DAB1: variants seen among roughly 807,000 people sequenced by gnomAD.
DAB1 encodes disabled homolog 1.
Under a neutral mutation model 64.6 loss-of-function variants are expected in DAB1, and 15 were observed. The ratio of observed to expected loss-of-function variants is 0.23; its 90% CI spans 0.16 to 0.36. DAB1 has a LOEUF of 0.36. Among genes scored for constraint, DAB1 ranks in the 10% least tolerant of loss-of-function variants. DAB1 has a pLI of 1.00. For missense variants in DAB1, 596 were observed against 706.7 expected (o/e 0.84, Z 1.78); for synonymous variants, 235 against 251.9 (o/e 0.93, Z 0.64).
intron 4 of DAB1, among the ~76,000 whole-genome samples, chr1:58,188,656 T>C (rs548623333): frequency 1.2e-4 from 18 of 152,354 alleles, no homozygotes; most frequent in African/African-American, 4.3e-4. Context: ...GTGGAAATGC[T>C]ATGGTTCAAA....
rs1396139103 is a variant in DAB1, at chr1:56,995,990, C to T, written c.*2154G>A. ...CTTTTCTGGTTCTTCGGACCTTCCA[C>T]ATTAGGATGATATTGACATATATTC... On this transcript the variant is annotated 3_prime_UTR_variant, in exon 15 of 15. Coordinates refer to ENST00000371236, the MANE Select transcript of DAB1 (RefSeq NM_001365792.1). 1 of 152,126 alleles carries T rather than the reference C, an allele frequency of 6.6e-6. No homozygotes were observed. The highest frequency in any genetic ancestry group is 6.5e-5 in the Admixed American group (1 of 15,270). 9.4% of individuals were successfully genotyped at this position (152,126 alleles called of 1,614,324 possible). A position where few individuals can be genotyped will look rare whatever the true frequency, so the allele number is the denominator to read the frequency against.
chr1:58,365,959 G>A (rs1252415919), intron 3 of DAB1, among the ~76,000 whole-genome samples: 3 of 152,138 alleles, frequency 2.0e-5, no homozygotes, highest in Admixed American at 6.5e-5. Flanking sequence ...ACTGTCTAGC[G>A]GGCAACGAGA....
intron 1 of DAB1, among the ~76,000 whole-genome samples, chr1:58,531,049 T>C (rs1184283174): frequency 6.6e-6 from 1 of 152,202 alleles, no homozygotes; most frequent in East Asian, 1.9e-4. Context: ...TTATAGATAA[T>C]GAAACTGAGA....
chr1:58,397,039 T>G (rs1476516230), intron 3 of DAB1, among the ~76,000 whole-genome samples: 16 of 144,378 alleles, frequency 1.1e-4, no homozygotes, highest in Non-Finnish European at 1.9e-4. Flanking sequence ...CACTCTAGCC[T>G]GGGCGACGGA....
chr1:57,830,428 T>A (rs1247607062), intron 1 of DAB1, among the ~76,000 whole-genome samples: 1 of 152,134 alleles, frequency 6.6e-6, no homozygotes, highest in Admixed American at 6.5e-5. Flanking sequence ...ATAAAACTTG[T>A]CCAAGGCAAC....
chr1:57,204,425 A>T (rs139414434), intron 2 of DAB1, among the ~76,000 whole-genome samples: 35 of 150,532 alleles, frequency 2.3e-4, no homozygotes, highest in Middle Eastern at 6.9e-3. Context: ...TCCACAGAAC[A>T]CAAAATAAAA....
At chr1:57,116,033 A>G (rs1656073526) in intron 4 of DAB1, among the ~76,000 whole-genome samples, 1 of 152,114 alleles carries the variant, frequency 6.6e-6, no homozygotes, top group Non-Finnish European at 1.5e-5. Context: ...CCTACTATCT[A>G]TGGTCTCCTG....
chr1:58,042,896 T>C (rs1418598188), intron 5 of DAB1, among the ~76,000 whole-genome samples: 4 of 152,114 alleles, frequency 2.6e-5, no homozygotes, highest in Non-Finnish European at 5.9e-5. Context: ...AAATGAGCCG[T>C]CCATTTACTA....
At chr1:57,748,672 T>C (rs1353645956) in intron 6 of DAB1, among the ~76,000 whole-genome samples, 1 of 152,156 alleles carries the variant, frequency 6.6e-6, no homozygotes, top group Non-Finnish European at 1.5e-5. Flanking sequence ...CAGGGCAGCT[T>C]CCCAGAATAG....
At chr1:57,306,571 C>T (rs945536400) in intron 1 of DAB1, among the ~76,000 whole-genome samples, 3 of 143,778 alleles carry the variant, frequency 2.1e-5, no homozygotes, top group African/African-American at 7.7e-5. Context: ...CAGCTCATCA[C>T]TCCCACAAGA....
intron 6 of DAB1, among the ~76,000 whole-genome samples, chr1:57,798,301 G>A (rs1462305395): frequency 6.6e-6 from 1 of 152,206 alleles, no homozygotes; most frequent in Admixed American, 6.5e-5. Flanking sequence ...AGCAAATTAA[G>A]GGCAAACCTG....
intron 5 of DAB1, among the ~76,000 whole-genome samples, chr1:58,104,940 T>C (rs1651544669): frequency 6.6e-6 from 1 of 152,238 alleles, no homozygotes; most frequent in Admixed American, 6.5e-5. Context: ...AAAGGGAATG[T>C]CGCACATTCA....
intron 6 of DAB1, among the ~76,000 whole-genome samples, chr1:57,684,824 G>A (rs1646676232): frequency 6.6e-6 from 1 of 152,096 alleles, no homozygotes; most frequent in South Asian, 2.1e-4. Context: ...ACATAGAGTG[G>A]CCAGTCAAAG....
chr1:57,507,206 C>A (rs1048843843), intron 7 of DAB1, among the ~76,000 whole-genome samples: 1 of 152,156 alleles, frequency 6.6e-6, no homozygotes, highest in Non-Finnish European at 1.5e-5. Flanking sequence ...CCTATTACGA[C>A]CCTACATGAA....
At chr1:58,119,023 C>T (rs1290030891) in intron 5 of DAB1, among the ~76,000 whole-genome samples, 3 of 152,128 alleles carry the variant, frequency 2.0e-5, no homozygotes, top group East Asian at 3.9e-4. Flanking sequence ...CATCAAACAG[C>T]TAAATTTCTT....
intron 6 of DAB1, among the ~76,000 whole-genome samples, chr1:57,741,026 C>T (rs72664616): frequency 0.055 from 8,312 of 152,196 alleles, 267 homozygotes; most frequent in Middle Eastern, 0.088. Flanking sequence ...TTGGTTGACA[C>T]TTCCTCTGGA....
intron 9 of DAB1, among the ~76,000 whole-genome samples, chr1:57,043,035 C>G (rs894268881): frequency 6.6e-6 from 1 of 152,134 alleles, no homozygotes; most frequent in Non-Finnish European, 1.5e-5. Flanking sequence ...GTTATAAGAA[C>G]AGGGATATGA....
At chr1:57,538,479 T>C (rs978350947) in intron 7 of DAB1, among the ~76,000 whole-genome samples, 4 of 152,014 alleles carry the variant, frequency 2.6e-5, no homozygotes, top group African/African-American at 9.7e-5. Flanking sequence ...GCAGGAAGAG[T>C]GCTCTCTCGG....
At chr1:57,562,688 C>A (rs935659315) in intron 7 of DAB1, among the ~76,000 whole-genome samples, 1 of 152,176 alleles carries the variant, frequency 6.6e-6, no homozygotes, top group South Asian at 2.1e-4. Flanking sequence ...CCCTAGTGAT[C>A]CACTAGCAAA....
Sources: allele counts gnomAD v4.1 joint callset (sites outside exome capture counted in the v4.1 genomes callset), GRCh38; gene constraint gnomAD v4.1.1; transcripts MANE v1.5; gene names NCBI Gene and HGNC (gene_info 2026-07-23, HGNC 2026-07-21).